ICOS: variants seen among roughly 807,000 people sequenced by gnomAD.
ICOS encodes the protein inducible T-cell costimulator.
Under a neutral mutation model 24.6 loss-of-function variants are expected in ICOS, and 15 were observed. The observed-to-expected ratio is 0.61, with a 90% confidence interval of 0.41 to 0.94. The LOEUF (loss-of-function observed/expected upper bound fraction) is 0.94. Among genes scored for constraint, ICOS ranks in the 40% least tolerant of loss-of-function variants. ICOS has a pLI of 0.00. For synonymous variants in ICOS, 89 were observed against 77.5 expected (o/e 1.15, Z -0.78); for missense variants, 200 against 233.0 (o/e 0.86, Z 0.92).
chr2:203,951,796 T>C (rs938853123), intron 1 of ICOS, among the ~76,000 whole-genome samples: 1 of 152,202 alleles, frequency 6.6e-6, no homozygotes, highest in Non-Finnish European at 1.5e-5. Context: ...TGATTTTATC[T>C]TCTGCAGCAG....
In ICOS at chr2:203,958,656, T is replaced by C. The variant is rs143109192; in HGVS notation, c.586+773T>C. ...AAGGGGACACACATAGCTTGCGTTG[T>C]CATGGAATTATAGCATGGGATGGGA... is the stretch of plus-strand genomic sequence containing the variant. On this transcript the variant is annotated intron_variant, in intron 4 of 4. Coordinates refer to ENST00000316386, the MANE Select transcript of ICOS (RefSeq NM_012092.4). Among the ~76,000 whole-genome samples the C allele has an allele frequency of 3.2e-3, 492 of 152,236 alleles. 3 individuals are homozygous for C. Among genetic ancestry groups the C allele is most frequent in the African/African-American group, 0.011 (437 of 41,546 alleles).
intron 1 of ICOS, among the ~76,000 whole-genome samples, chr2:203,947,947 T>C (rs1284668921): frequency 6.6e-6 from 1 of 152,144 alleles, no homozygotes; most frequent in African/African-American, 2.4e-5. Context: ...AGAACAACCA[T>C]TGGTCCAGGG....
At position 203,956,641 on chromosome 2, in the gene ICOS, C is replaced by G; in HGVS notation, c.395-18C>G. 6.4e-7 allele frequency: 1 copy of G among 1,565,828 alleles called. No homozygotes were observed. The highest frequency in any genetic ancestry group is 8.8e-7 in the Non-Finnish European group (1 of 1,136,122). On this transcript the variant is annotated intron_variant, in intron 2 of 4. Transcript: ENST00000316386. ...TTCAGCAGAATTTTTCATTAACATA[C>G]CTTTTTTTCCAATCCAGAATCACAA...
At chr2:203,941,031 ACCTCCG>A (rs776792495) in intron 1 of ICOS, among the ~76,000 whole-genome samples, 9 of 151,674 alleles carry the variant, frequency 5.9e-5, no homozygotes, top group Non-Finnish European at 8.8e-5. Flanking sequence ...TGATCCGCCC[ACCTCCG>A]CCTCCGCCTC....
At chr2:203,955,294 A>T (rs1192399494) in intron 1 of ICOS, among the ~76,000 whole-genome samples, 1 of 152,156 alleles carries the variant, frequency 6.6e-6, no homozygotes, top group Non-Finnish European at 1.5e-5. Flanking sequence ...GCATTACTAC[A>T]TATTTATTCC....
rs568247160 is a variant in ICOS at position 203,959,799 on chromosome 2, T to G, written c.*200T>G. The G allele has an allele frequency of 1.5e-6, 1 of 648,270 alleles. No homozygotes were observed. The highest frequency in any genetic ancestry group is 2.8e-6 in the Non-Finnish European group (1 of 359,692). The allele number at this position is 648,270 out of a possible 1,614,324, so 40.2% of individuals were successfully genotyped here. On this transcript the variant is annotated 3_prime_UTR_variant, in exon 5 of 5. Coordinates refer to ENST00000316386, the MANE Select transcript of ICOS (RefSeq NM_012092.4). Reference sequence around the variant, plus strand: ...ACTGCCTTGGTACTGCCGAGTCCTCTCAAAACAAACACCCTCTTGCAACCA... The same window carrying G: ...ACTGCCTTGGTACTGCCGAGTCCTCGCAAAACAAACACCCTCTTGCAACCA...
chr2:203,947,267 A>G (rs767649796), intron 1 of ICOS, among the ~76,000 whole-genome samples: 19 of 152,144 alleles, frequency 1.2e-4, no homozygotes, highest in Non-Finnish European at 7.3e-5. Context: ...TTACTCTTGA[A>G]AACATTAGTC....
chr2:203,950,842 G>T (rs762824370), intron 1 of ICOS, among the ~76,000 whole-genome samples: 3 of 152,072 alleles, frequency 2.0e-5, no homozygotes, highest in African/African-American at 7.2e-5. Context: ...TGGGCGGATC[G>T]TGAGGTAAAG....
intron 1 of ICOS, among the ~76,000 whole-genome samples, chr2:203,944,626 A>G (rs527446620): frequency 6.6e-6 from 1 of 152,300 alleles, no homozygotes; most frequent in Admixed American, 6.5e-5. Flanking sequence ...CTTTTATTTA[A>G]TATGATTGAG....
rs1690064207 is a variant in ICOS, at chr2:203,955,645, A to G, written c.68A>G (p.Asn23Ser). The G allele has an allele frequency of 1.2e-6, 2 of 1,611,354 alleles. No individual in the cohort carries two copies. Among genetic ancestry groups the G allele is most frequent in the South Asian group, 2.2e-5 (2 of 91,048 alleles). ...LRIKVLTGEI[N>S]GSANYEMFIF... The stretch of plus-strand genomic sequence containing the variant: ...CTTTCTTTTTATGCAGGAGAAATCA[A>G]TGGTTCTGCCAATTATGAGATGTTT... Residue 23 changes from asparagine to serine, a missense_variant, in exon 2 of 5, where the codon AAT becomes AGT. Asn to Ser is a conservative substitution (Grantham distance 46). Transcript: ENST00000316386.
chr2:203,940,611 C>CT, intron 1 of ICOS, among the ~76,000 whole-genome samples: 1 of 151,486 alleles, frequency 6.6e-6, no homozygotes, highest in Admixed American at 6.6e-5. Flanking sequence ...TGTCTGCTGG[C>CT]TTCTAGGGTT....
chr2:203,938,578 T>G (rs938469281), intron 1 of ICOS, among the ~76,000 whole-genome samples: 1 of 152,208 alleles, frequency 6.6e-6, no homozygotes, highest in African/African-American at 2.4e-5. Context: ...CCAAGAACGT[T>G]GGTACCATTC....
intron 1 of ICOS, among the ~76,000 whole-genome samples, chr2:203,954,605 G>GAAAAT (rs1690045802): frequency 6.6e-6 from 1 of 151,874 alleles, no homozygotes; most frequent in South Asian, 2.1e-4. Flanking sequence ...GAAAAGAAAA[G>GAAAAT]AAAAGAAAGA....
At chr2:203,947,879 A>T (rs2105749068) in intron 1 of ICOS, among the ~76,000 whole-genome samples, 1 of 152,354 alleles carries the variant, frequency 6.6e-6, no homozygotes, top group South Asian at 2.1e-4. Flanking sequence ...AAGATATAAG[A>T]TGATGTTTAT....
At chr2:203,954,475 G>A (rs768269493) in intron 1 of ICOS, among the ~76,000 whole-genome samples, 2 of 152,118 alleles carry the variant, frequency 1.3e-5, no homozygotes, top group African/African-American at 2.4e-5. Flanking sequence ...TGTATTCCCA[G>A]CTTCTTGGGA....
rs7592421 is a variant in ICOS, at chr2:203,956,356, G to T, written c.395-303G>T. 0.032 allele frequency among the ~76,000 whole-genome samples: 4,798 copies of T among 152,250 alleles called. 239 individuals are homozygous for T. The highest frequency in any genetic ancestry group is 0.11 in the African/African-American group (4,477 of 41,552). On this transcript the variant is annotated intron_variant, in intron 2 of 4. Coordinates refer to ENST00000316386, the MANE Select transcript of ICOS (RefSeq NM_012092.4). ...CTGTGTTTGTGGAATGAAGTATGAT[G>T]ATTGAAAATCATAGTTTTATAACAT...
intron 1 of ICOS, among the ~76,000 whole-genome samples, chr2:203,943,660 A>C (rs1689817666): frequency 6.6e-6 from 1 of 152,156 alleles, no homozygotes; most frequent in African/African-American, 2.4e-5. Context: ...GCTTTCCAGA[A>C]AGCATCAGCT....
intron 1 of ICOS, among the ~76,000 whole-genome samples, chr2:203,946,638 G>A (rs1689874450): frequency 6.6e-6 from 1 of 152,144 alleles, no homozygotes; most frequent in Admixed American, 6.5e-5. Context: ...TTGCTTTTAT[G>A]AAAGGTGAGA....
At chr2:203,938,690 C>T (rs540767592) in intron 1 of ICOS, among the ~76,000 whole-genome samples, 27 of 152,312 alleles carry the variant, frequency 1.8e-4, no homozygotes, top group East Asian at 1.2e-3. Flanking sequence ...AAAGTAGCAT[C>T]GGTGTCAATT....
Sources: gnomAD v4.1 joint callset for allele counts (sites outside exome capture counted in the v4.1 genomes callset) on GRCh38, gnomAD v4.1.1 for gene constraint, MANE v1.5 for transcripts, NCBI Gene and HGNC (gene_info 2026-07-23, HGNC 2026-07-21) for gene names.